The following ASTN2 variants were observed in gnomAD, a reference collection of about 807,000 sequenced individuals.
The protein encoded by ASTN2 is astrotactin-2.
In ASTN2, 54 loss-of-function variants were observed where a neutral mutation model predicts 139.8. That is an observed-to-expected ratio of 0.39 (90% CI 0.31 to 0.48). The LOEUF (loss-of-function observed/expected upper bound fraction) is 0.48. ASTN2 is among the 20% of genes least tolerant of loss of function. ASTN2 has a pLI of 0.95. For missense variants in ASTN2, 1,565 were observed against 1,725.1 expected (o/e 0.91, Z 1.64); for synonymous variants, 756 against 719.5 (o/e 1.05, Z -0.81).
intron 13 of ASTN2, among the ~76,000 whole-genome samples, chr9:116,790,623 T>C (rs981127127): frequency 6.6e-6 from 1 of 151,944 alleles, no homozygotes; most frequent in Non-Finnish European, 1.5e-5. Flanking sequence ...TGATGAGTAG[T>C]CCTTCTGCAC....
At chr9:116,961,895 C>A (rs537707839) in intron 10 of ASTN2, among the ~76,000 whole-genome samples, 1 of 152,336 alleles carries the variant, frequency 6.6e-6, no homozygotes, top group African/African-American at 2.4e-5. Flanking sequence ...AATCTATTTA[C>A]GCTAAATGCA....
intron 1 of ASTN2, among the ~76,000 whole-genome samples, chr9:117,368,473 A>G (rs1249654875): frequency 1.3e-5 from 2 of 152,192 alleles, no homozygotes; most frequent in African/African-American, 4.8e-5. Flanking sequence ...TAAAGAACAA[A>G]CGAATCTGCT....
In ASTN2 at chr9:116,817,659, G is replaced by A. The variant is rs1477534862; in HGVS notation, c.2207+2958C>T. On this transcript the variant is annotated intron_variant, in intron 12 of 22. Transcript: ENST00000313400. ...CAACTATTAATTGAAAACCTACTAT[G>A]TGCCAGTCACTGTTTTAGCTCCTGG... 3.9e-5 allele frequency among the ~76,000 whole-genome samples: 6 copies of A among 152,300 alleles called. 1 individual carries two copies. In the South Asian group the frequency reaches 1.2e-3, roughly 32 times the overall value.
At chr9:116,776,142 A>G (rs1588283796) in intron 13 of ASTN2, among the ~76,000 whole-genome samples, 1 of 152,268 alleles carries the variant, frequency 6.6e-6, no homozygotes, top group South Asian at 2.1e-4. Flanking sequence ...AGGTAGAGCT[A>G]GCTCTTCTCA....
In ASTN2 at chr9:116,747,331, G is replaced by T. The variant is rs147863889; in HGVS notation, c.2397-13808C>A. On this transcript the variant is annotated intron_variant, in intron 13 of 22. Transcript: ENST00000313400. ...GTTCTTAAACACTATGCAAAAATATGCTGGTGAATGTTTAATTTTTCCCCA... is the reference window on the plus strand; with the variant it reads ...GTTCTTAAACACTATGCAAAAATATTCTGGTGAATGTTTAATTTTTCCCCA... 5.1e-3 allele frequency among the ~76,000 whole-genome samples: 774 copies of T among 152,316 alleles called. 5 individuals are homozygous for T. Among genetic ancestry groups the T allele is most frequent in the Non-Finnish European group, 7.8e-3 (528 of 68,038 alleles).
At chr9:117,073,448 G>A (rs977798086) in intron 5 of ASTN2, among the ~76,000 whole-genome samples, 1 of 152,052 alleles carries the variant, frequency 6.6e-6, no homozygotes, top group African/African-American at 2.4e-5. Flanking sequence ...GCAGGGTTGT[G>A]AGACCCTCTT....
intron 12 of ASTN2, among the ~76,000 whole-genome samples, chr9:116,812,069 GTC>G (rs1831181564): frequency 1.3e-5 from 2 of 152,176 alleles, no homozygotes; most frequent in African/African-American, 4.8e-5. Flanking sequence ...TTGTGTGTGT[GTC>G]TCTGAGTGTG....
chr9:117,227,662 T>A (rs962356187), intron 2 of ASTN2, among the ~76,000 whole-genome samples: 5 of 152,238 alleles, frequency 3.3e-5, no homozygotes, highest in African/African-American at 4.8e-5. Context: ...TTGCTGTTAG[T>A]TCCCTTTTGG....
intron 22 of ASTN2, chr9:116,437,428 G>A: frequency 2.1e-6 from 1 of 471,414 alleles, no homozygotes; most frequent in Non-Finnish European, 4.4e-6. Context: ...AGGAAGCTGG[G>A]TGACAGGGTG....
intron 17 of ASTN2, among the ~76,000 whole-genome samples, chr9:116,629,486 C>A (rs1207511686): frequency 1.3e-5 from 2 of 152,112 alleles, no homozygotes; most frequent in African/African-American, 4.8e-5. Flanking sequence ...GCCAACCAGA[C>A]AACACAGTAG....
intron 20 of ASTN2, among the ~76,000 whole-genome samples, chr9:116,471,603 G>A (rs1157506235): frequency 6.6e-6 from 1 of 152,096 alleles, no homozygotes; most frequent in African/African-American, 2.4e-5. Flanking sequence ...GGCAGTAAAG[G>A]GGGTGGAGGG....
intron 19 of ASTN2, among the ~76,000 whole-genome samples, chr9:116,510,838 T>A (rs537994824): frequency 1.9e-3 from 294 of 152,304 alleles, no homozygotes; most frequent in Non-Finnish European, 3.2e-3. Flanking sequence ...CTTGTGATTT[T>A]TGCACATTGA....
chr9:116,568,357 A>C (rs1301963505), intron 19 of ASTN2: 2 of 152,170 alleles, frequency 1.3e-5, no homozygotes, highest in African/African-American at 4.8e-5. Flanking sequence ...TAAATTTTTA[A>C]ATTTTAATTT....
intron 13 of ASTN2, among the ~76,000 whole-genome samples, chr9:116,779,182 T>C (rs1052808764): frequency 2.0e-5 from 3 of 152,160 alleles, no homozygotes; most frequent in Admixed American, 2.0e-4. Flanking sequence ...TTAATCCCCA[T>C]TGCAACAGTG....
chr9:116,902,025 C>CAAAT (rs914369003), intron 10 of ASTN2, among the ~76,000 whole-genome samples: 17 of 151,760 alleles, frequency 1.1e-4, no homozygotes, highest in East Asian at 3.9e-4. Context: ...ACTCTTGTTT[C>CAAAT]AAATAAATAA....
chr9:116,662,289 C>T (rs565345812), intron 16 of ASTN2, among the ~76,000 whole-genome samples: 12 of 152,154 alleles, frequency 7.9e-5, no homozygotes, highest in African/African-American at 2.6e-4. Flanking sequence ...TTTAAGATAA[C>T]GGGCTGGGTG....
chr9:116,760,258 A>C (rs2132167113), intron 13 of ASTN2, among the ~76,000 whole-genome samples: 1 of 152,334 alleles, frequency 6.6e-6, no homozygotes, highest in African/African-American at 2.4e-5. Context: ...AAAGGCCTCC[A>C]CTAAGCCAAA....
rs190321212 is a variant in ASTN2, at chr9:117,284,190, G to C, written c.630+7136C>G. On this transcript the variant is annotated intron_variant, in intron 2 of 22. Transcript: ENST00000313400. ...ATGATCTCAGCTCACTGCAACCTCC[G>C]TCTCCCAGACCCAAGCGATCCTCCC... Among the ~76,000 whole-genome samples the C allele has an allele frequency of 3.9e-5, 6 of 152,130 alleles. No homozygotes were observed. The South Asian group carries it at 1.0e-3, about 26-fold the overall frequency.
intron 12 of ASTN2, among the ~76,000 whole-genome samples, chr9:116,815,866 T>C (rs1266116755): frequency 7.1e-6 from 1 of 141,148 alleles, no homozygotes; most frequent in Non-Finnish European, 1.5e-5. Flanking sequence ...CATAGGAATA[T>C]ATGAGAAATA....
Sources: allele counts gnomAD v4.1 joint callset (sites outside exome capture counted in the v4.1 genomes callset), GRCh38; gene constraint gnomAD v4.1.1; transcripts MANE v1.5; gene names NCBI Gene and HGNC (gene_info 2026-07-23, HGNC 2026-07-21).